Variants in ZNF423 observed in about 807,000 individuals in gnomAD.
ZNF423 encodes Ebf-associated zinc finger protein.
ZNF423 carries 12 observed loss-of-function variants against 95.8 expected under a neutral mutation model. The observed-to-expected ratio is 0.13, with a 90% CI of 0.08 to 0.20. ZNF423 has a LOEUF of 0.20. Among genes scored for constraint, ZNF423 ranks in the 10% least tolerant of loss-of-function variants. The pLI is 1.00. For synonymous variants in ZNF423, 749 were observed against 711.9 expected (o/e 1.05, Z -0.83); for missense variants, 1,316 against 1,737.1 (o/e 0.76, Z 4.31).
chr16:49,514,835 C>T (rs1046981843), intron 7 of ZNF423, among the ~76,000 whole-genome samples: 5 of 152,182 alleles, frequency 3.3e-5, no homozygotes, highest in East Asian at 3.9e-4. Flanking sequence ...CAGGGCGTGG[C>T]GCTGGTCCAA....
intron 3 of ZNF423, among the ~76,000 whole-genome samples, chr16:49,713,313 G>A (rs142145712): frequency 2.4e-4 from 36 of 152,356 alleles, no homozygotes; most frequent in South Asian, 8.3e-4. Context: ...TTGCTCATCC[G>A]CAGGATCTAA....
chr16:49,709,166 G>GTT (rs1555475501), intron 3 of ZNF423, among the ~76,000 whole-genome samples: 21,871 of 119,546 alleles, frequency 0.18, 2,015 homozygotes, highest in African/African-American at 0.23. Context: ...TTCAGCAGCC[G>GTT]TTTATATATA....
intron 5 of ZNF423, among the ~76,000 whole-genome samples, chr16:49,535,900 T>G (rs1797531840): frequency 6.6e-6 from 1 of 152,144 alleles, no homozygotes; most frequent in African/African-American, 2.4e-5. Context: ...AATCCTCAGA[T>G]TAATGGCCTC....
chr16:49,675,224 C>T (rs925938104), intron 3 of ZNF423, among the ~76,000 whole-genome samples: 17 of 152,174 alleles, frequency 1.1e-4, no homozygotes, highest in African/African-American at 4.1e-4. Context: ...CACTCATGTA[C>T]AGAGGACCCA....
intron 5 of ZNF423, among the ~76,000 whole-genome samples, chr16:49,560,772 C>T (rs1467542237): frequency 3.9e-5 from 6 of 152,160 alleles, no homozygotes; most frequent in Middle Eastern, 3.2e-3. Flanking sequence ...GGATAAAAAC[C>T]GAGGCGAGTC....
chr16:49,775,128 G>A (rs1319352814), intron 2 of ZNF423, among the ~76,000 whole-genome samples: 1 of 152,186 alleles, frequency 6.6e-6, no homozygotes, highest in East Asian at 1.9e-4. Flanking sequence ...CTGAGGCACG[G>A]AGCATTTTTC....
At chr16:49,741,906 C>T (rs538224455) in intron 2 of ZNF423, among the ~76,000 whole-genome samples, 1 of 152,368 alleles carries the variant, frequency 6.6e-6, no homozygotes, top group South Asian at 2.1e-4. Flanking sequence ...GCTGTGGATG[C>T]TCCCTATGGG....
chr16:49,811,595 C>A (rs895188403), intron 1 of ZNF423, among the ~76,000 whole-genome samples: 2 of 152,276 alleles, frequency 1.3e-5, no homozygotes, highest in African/African-American at 4.8e-5. Flanking sequence ...AGGCTGCCGA[C>A]CCCCTGGTCA....
Position 49,638,229 on chromosome 16 carries a change from T to C in ZNF423, c.947A>G (p.Asn316Ser). 1 of 1,609,542 alleles carries C rather than the reference T, an allele frequency of 6.2e-7. No individual in the cohort carries two copies. Among genetic ancestry groups the C allele is most frequent in the South Asian group, 1.1e-5 (1 of 91,082 alleles). Residue 316 changes from asparagine to serine, a missense_variant, in exon 4 of 8, where the codon AAC becomes AGC. Asn to Ser is a conservative substitution (Grantham distance 46, BLOSUM62 1). Coordinates refer to ENST00000563137, the MANE Select transcript of ZNF423 (RefSeq NM_001379286.1). The surrounding 1 kb of genome is among the most constrained non-coding windows in gnomAD (Gnocchi z 5.6). Reference sequence around the variant, plus strand: ...TTGGTGGATATGGGCGAGCAGTGTGTTCTCGTCGACGAAGACCTCAGGGCA... The same window carrying C: ...TTGGTGGATATGGGCGAGCAGTGTGCTCTCGTCGACGAAGACCTCAGGGCA... ...IHCPEVFVDE[N>S]TLLAHIHQAH...
chr16:49,818,919 A>G (rs1228483072), intron 1 of ZNF423, among the ~76,000 whole-genome samples: 1 of 152,046 alleles, frequency 6.6e-6, no homozygotes, highest in East Asian at 1.9e-4. Context: ...ACATATTGTT[A>G]AAATAAATAT....
intron 1 of ZNF423, among the ~76,000 whole-genome samples, chr16:49,849,919 C>T (rs2035285139): frequency 6.6e-6 from 1 of 152,160 alleles, no homozygotes; most frequent in Admixed American, 6.5e-5. Context: ...TCAGCGAGGG[C>T]TGACAATACA....
chr16:49,716,914 T>G (rs2032725954), intron 3 of ZNF423, among the ~76,000 whole-genome samples: 1 of 152,180 alleles, frequency 6.6e-6, no homozygotes, highest in Admixed American at 6.5e-5. Context: ...TTTGGGGATG[T>G]TCTTTATTTT....
At chr16:49,542,784 C>T (rs1362294343) in intron 5 of ZNF423, among the ~76,000 whole-genome samples, 1 of 152,226 alleles carries the variant, frequency 6.6e-6, no homozygotes, top group South Asian at 2.1e-4. Context: ...TCTGCGTCCT[C>T]CATGAGATTG....
intron 3 of ZNF423, among the ~76,000 whole-genome samples, chr16:49,647,330 T>A (rs1484812713): frequency 6.6e-6 from 1 of 152,278 alleles, no homozygotes; most frequent in East Asian, 1.9e-4. Flanking sequence ...AGTAGCCTGC[T>A]GCTTAAATAG....
At chr16:49,769,559 G>A (rs568064246) in intron 2 of ZNF423, among the ~76,000 whole-genome samples, 5 of 151,874 alleles carry the variant, frequency 3.3e-5, no homozygotes, top group South Asian at 4.2e-4. Context: ...ACCTGATCAC[G>A]CCACTGCCCT....
At chr16:49,818,792 T>C (rs934285024) in intron 1 of ZNF423, among the ~76,000 whole-genome samples, 7 of 151,216 alleles carry the variant, frequency 4.6e-5, no homozygotes, top group Admixed American at 2.0e-4. Context: ...GAGGCTGAGA[T>C]GAGAGGATCA....
At chr16:49,775,952 C>A in intron 2 of ZNF423, among the ~76,000 whole-genome samples, 1 of 152,252 alleles carries the variant, frequency 6.6e-6, no homozygotes, top group East Asian at 1.9e-4. Context: ...CCTATGCTAA[C>A]CTCTAGCATA....
rs750302289 is a variant in ZNF423 at position 49,638,539 on chromosome 16, G to A, written c.637C>T (p.Arg213Cys). 3.1e-6 allele frequency: 5 copies of A among 1,613,628 alleles called. No homozygotes were observed. The highest frequency in any genetic ancestry group is 1.1e-5 in the South Asian group (1 of 91,078). Residue 213 changes from arginine (R) to cysteine (C), a missense_variant, in exon 4 of 8, where the codon CGC (arginine) becomes TGC (cysteine). By Grantham distance (180) the Arg-to-Cys change is radical (BLOSUM62 -3). Coordinates refer to ENST00000563137, the MANE Select transcript of ZNF423 (RefSeq NM_001379286.1). The surrounding 1 kb of genome is among the most constrained non-coding windows in gnomAD (Gnocchi z 5.6). ...HCHECEAAFS[R>C]SDHLKIHLKT... ...AGGTGGATCTTGAGGTGGTCGCTGC[G>A]GGAGAAGGCTGCCTCGCACTCGTGG...
intron 3 of ZNF423, among the ~76,000 whole-genome samples, chr16:49,725,201 A>G (rs2032977964): frequency 6.6e-6 from 1 of 152,156 alleles, no homozygotes; most frequent in Admixed American, 6.5e-5. Flanking sequence ...TAGGCAACAT[A>G]GCAAGACCTC....
Sources: allele counts gnomAD v4.1 joint callset (sites outside exome capture counted in the v4.1 genomes callset), GRCh38; gene constraint gnomAD v4.1.1; non-coding constraint Gnocchi (gnomAD v3.1); transcripts MANE v1.5; gene names NCBI Gene and HGNC (gene_info 2026-07-23, HGNC 2026-07-21).